Variants in CEP63 observed in about 807,000 individuals in gnomAD.
The protein encoded by CEP63 is centrosomal protein of 63 kDa.
A neutral mutation model predicts 89.1 loss-of-function variants in CEP63; 84 were observed. The ratio of observed to expected loss-of-function variants is 0.94; its 90% confidence interval spans 0.79 to 1.13. The LOEUF is 1.13. Ranked by LOEUF, CEP63 falls within the 50% of genes most tolerant of loss-of-function variation. The probability of loss-of-function intolerance (pLI) is 0.00; values close to 1 mark genes in which losing one functional copy is unlikely to be tolerated. For missense variants in CEP63, 838 were observed against 813.3 expected (o/e 1.03, Z -0.37); for synonymous variants, 267 against 272.5 (o/e 0.98, Z 0.20).
the CEP63 span, chr3:134,627,658 C>T: frequency 1.9e-6 from 2 of 1,077,084 alleles, no homozygotes; most frequent in Non-Finnish European, 2.8e-6. Flanking sequence ...AGCCTCTCAG[C>T]ATAGTGGCCC....
rs768963628 is a variant in CEP63, at chr3:134,507,174, C to A, written c.110C>A (p.Ala37Asp). 4 of 1,613,150 alleles carry A rather than the reference C, an allele frequency of 2.5e-6. No homozygotes were observed. The highest frequency in any genetic ancestry group is 3.4e-6 in the Non-Finnish European group (4 of 1,179,582). The change falls in exon 3 of 15, where the codon GCT becomes GAT. Residue 37 changes from alanine to aspartate, a missense_variant. Physicochemically the swap from Ala to Asp is moderately radical, Grantham distance 126. Coordinates refer to ENST00000675561, the MANE Select transcript of CEP63 (RefSeq NM_001353108.3). ...ATGAAACAGATTGACATAATGGTGG[C>A]TCATAAAAAATCTGAATGGGAAGGA... ...ELMKQIDIMV[A>D]HKKSEWEGRT...
chr3:134,640,771 G>C, the CEP63 span, among the ~76,000 whole-genome samples: 1 of 152,098 alleles, frequency 6.6e-6, no homozygotes, highest in Non-Finnish European at 1.5e-5. Context: ...CATTGCTCAG[G>C]TCCCAAGCCT....
the CEP63 span, among the ~76,000 whole-genome samples, chr3:134,772,952 C>G: frequency 6.6e-6 from 1 of 152,280 alleles, no homozygotes; most frequent in Admixed American, 6.5e-5. Flanking sequence ...CTGGTGTTAC[C>G]AAGGCACTGT....
chr3:134,651,000 G>C, the CEP63 span: 1 of 1,611,552 alleles, frequency 6.2e-7, no homozygotes, highest in African/African-American at 1.3e-5. Flanking sequence ...GCGGCCGCAC[G>C]CTAGGCTGCT....
the CEP63 span, among the ~76,000 whole-genome samples, chr3:134,606,777 G>C: frequency 6.6e-6 from 1 of 151,838 alleles, no homozygotes; most frequent in African/African-American, 2.4e-5. Context: ...CACCCCTGCA[G>C]ACCTCTATGG....
the CEP63 span, among the ~76,000 whole-genome samples, chr3:134,710,612 G>T: frequency 6.6e-6 from 1 of 151,990 alleles, no homozygotes; most frequent in African/African-American, 2.4e-5. Context: ...ACGCCCTAAA[G>T]AGCTGCCACT....
At chr3:134,644,492 G>A in the CEP63 span, among the ~76,000 whole-genome samples, 1 of 152,200 alleles carries the variant, frequency 6.6e-6, no homozygotes, top group Non-Finnish European at 1.5e-5. Context: ...TGGGGGGAAG[G>A]CTGGGCAAGG....
At chr3:134,520,220 ATAG>A (rs1947147885) in intron 3 of CEP63, among the ~76,000 whole-genome samples, 1 of 152,220 alleles carries the variant, frequency 6.6e-6, no homozygotes. Context: ...AACAAATGAA[ATAG>A]TAGATTTGCT....
At chr3:134,648,044 A>C in the CEP63 span, among the ~76,000 whole-genome samples, 4 of 152,222 alleles carry the variant, frequency 2.6e-5, no homozygotes, top group African/African-American at 9.6e-5. Context: ...GGACCTGGTG[A>C]TGCAACAGGG....
the CEP63 span, among the ~76,000 whole-genome samples, chr3:134,765,120 G>A: frequency 2.0e-5 from 3 of 152,144 alleles, no homozygotes; most frequent in Non-Finnish European, 2.9e-5. Context: ...ATTCCTAAGA[G>A]GTTCTCAGAT....
At chr3:134,677,119 C>T in the CEP63 span, among the ~76,000 whole-genome samples, 1 of 152,142 alleles carries the variant, frequency 6.6e-6, no homozygotes, top group African/African-American at 2.4e-5. Context: ...TGCCTGTAAT[C>T]CCAGCTACTG....
the CEP63 span, among the ~76,000 whole-genome samples, chr3:134,757,510 G>A: frequency 1.3e-5 from 2 of 152,288 alleles, no homozygotes; most frequent in South Asian, 2.1e-4. Context: ...ATATGGACAG[G>A]ATTTGATGAT....
At chr3:134,724,370 A>G in the CEP63 span, among the ~76,000 whole-genome samples, 707 of 152,304 alleles carry the variant, frequency 4.6e-3, 3 homozygotes, top group African/African-American at 0.016. Flanking sequence ...TATTTAGTTT[A>G]GGTTTAGTGG....
intron 2 of CEP63, among the ~76,000 whole-genome samples, chr3:134,502,268 G>A (rs1288431794): frequency 6.7e-6 from 1 of 149,566 alleles, no homozygotes; most frequent in African/African-American, 2.5e-5. Flanking sequence ...TGTTCATTAG[G>A]GATATTGGTC....
the CEP63 span, chr3:134,608,725 G>C: frequency 1.2e-6 from 2 of 1,614,044 alleles, no homozygotes; most frequent in Non-Finnish European, 1.7e-6. Flanking sequence ...GATACATGTT[G>C]TTCTCAAACT....
chr3:134,648,764 A>ACT, the CEP63 span, among the ~76,000 whole-genome samples: 1 of 152,036 alleles, frequency 6.6e-6, no homozygotes, highest in Admixed American at 6.6e-5. Context: ...CAGAAGGGCC[A>ACT]CTCGTTACGG....
chr3:134,745,906 C>T, the CEP63 span, among the ~76,000 whole-genome samples: 1 of 149,408 alleles, frequency 6.7e-6, no homozygotes, highest in Non-Finnish European at 1.5e-5. Context: ...GTATATGTGC[C>T]ACATTTTCTT....
the CEP63 span, among the ~76,000 whole-genome samples, chr3:134,697,976 C>A: frequency 6.6e-6 from 1 of 152,184 alleles, no homozygotes; most frequent in Non-Finnish European, 1.5e-5. Context: ...CGTTAGGACA[C>A]GAGTGTCAGA....
At chr3:134,515,693 C>T (rs982561712) in intron 3 of CEP63, among the ~76,000 whole-genome samples, 47 of 152,292 alleles carry the variant, frequency 3.1e-4, no homozygotes, top group African/African-American at 5.8e-4. Context: ...GGTCCTTATG[C>T]GCTGCCAACA....
Sources: gnomAD v4.1 joint callset for allele counts (sites outside exome capture counted in the v4.1 genomes callset) on GRCh38, gnomAD v4.1.1 for gene constraint, MANE v1.5 for transcripts, NCBI Gene and HGNC (gene_info 2026-07-23, HGNC 2026-07-21) for gene names.